Variants in AQP7 observed in about 807,000 individuals in gnomAD.
The protein encoded by AQP7 is aquaporin 7.
In AQP7, 22 loss-of-function variants were observed where a neutral mutation model predicts 26.1. The ratio of observed to expected loss-of-function variants is 0.84; its 90% CI spans 0.60 to 1.20. AQP7 has a LOEUF of 1.20. Ranked by LOEUF, AQP7 falls within the 50% of genes most tolerant of loss-of-function variation. The probability of loss-of-function intolerance (pLI) is 0.00; values close to 1 mark genes in which losing one functional copy is unlikely to be tolerated. For synonymous variants in AQP7, 167 were observed against 181.7 expected (o/e 0.92, Z 0.65); for missense variants, 412 against 457.5 (o/e 0.90, Z 0.91).
chr9:33,387,535 A>AACACAC lies in AQP7; in HGVS notation c.145-449_145-444dup, dbSNP rs368909443. 1.7e-3 allele frequency among the ~76,000 whole-genome samples: 261 copies of AACACAC among 150,272 alleles called. 5 individuals carry two copies. The East Asian group carries it at 0.037, about 22-fold the overall frequency. ...TCTGCCAGGAACCCCTCCCTGCACA[A>AACACAC]ACACACACACACACACTCCACCGCA... On this transcript the variant is annotated intron_variant, in intron 3 of 7. Transcript: ENST00000297988.
chr9:33,386,248 G>A (rs1824776212), intron 5 of AQP7, 53 bp from the exon 6 acceptor site: 2 of 1,610,880 alleles, frequency 1.2e-6, no homozygotes, highest in African/African-American at 1.3e-5. Flanking sequence ...GCCCCACCGG[G>A]GTCCCAGAAA....
chr9:33,394,494 T>C (rs1400561121), intron 3 of AQP7, among the ~76,000 whole-genome samples: 1 of 150,886 alleles, frequency 6.6e-6, no homozygotes, highest in East Asian at 1.9e-4. Context: ...CTCTTTTTTT[T>C]TTTTTTTCTT....
intron 3 of AQP7, among the ~76,000 whole-genome samples, chr9:33,393,425 G>T (rs537407673): frequency 6.6e-6 from 1 of 152,314 alleles, no homozygotes; most frequent in South Asian, 2.1e-4. Context: ...GCAGGGTCAG[G>T]CTAAGAACCC....
At chr9:33,395,005 G>A (rs1825730675) in intron 3 of AQP7, 73 bp downstream of exon 3, 1 of 1,270,418 alleles carries the variant, frequency 7.9e-7, no homozygotes, top group Non-Finnish European at 1.1e-6. Context: ...GTGACCCATG[G>A]GGTCAGCATG....
In AQP7 at chr9:33,387,045, A is replaced by T; in HGVS notation, c.192T>A (p.Tyr64Ter). 6.2e-7 allele frequency: 1 copy of T among 1,611,988 alleles called. No homozygotes were observed. Among genetic ancestry groups the T allele is most frequent in the Admixed American group, 1.7e-5 (1 of 60,010 alleles). The change falls in exon 4 of 8, where the codon TAT becomes TAA. Residue 64 changes from tyrosine to a stop codon, truncating the protein, a stop_gained. Coordinates refer to ENST00000297988, the MANE Select transcript of AQP7 (RefSeq NM_001170.3). LOFTEE classifies it high-confidence loss of function. Reference sequence around the variant, plus strand: ...CCAAGTTGACACCAAGGTAGCTCCCATATTTTTTATTTAGAACCATATGGG... The same window carrying T: ...CCAAGTTGACACCAAGGTAGCTCCCTTATTTTTTATTTAGAACCATATGGG... ...SVAHMVLNKK[Y>*]GSYLGVNLGF...
At chr9:33,394,922 G>A (rs1481164321) in intron 3 of AQP7, among the ~76,000 whole-genome samples, 156 bp downstream of exon 3, 3 of 152,154 alleles carry the variant, frequency 2.0e-5, no homozygotes, top group Non-Finnish European at 2.9e-5. Flanking sequence ...AAGGCTTGAT[G>A]AGAAAGCCCC....
In AQP7 at chr9:33,384,724, G is replaced by A; in HGVS notation, c.*281C>T. On this transcript the variant is annotated 3_prime_UTR_variant, in exon 8 of 8. Transcript: ENST00000297988. ...CCAAAACCACCCTTCCTTCCCCCGT[G>A]CCTGAAAATCCCTCATTCTGTCGTT... 1 of 326,492 alleles carries A rather than the reference G, an allele frequency of 3.1e-6. No homozygotes were observed. Among genetic ancestry groups the A allele is most frequent in the Non-Finnish European group, 5.6e-6 (1 of 179,406 alleles). The allele number at this position is 326,492 out of a possible 1,614,324, so 20.2% of individuals were successfully genotyped here. A position where few individuals can be genotyped will look rare whatever the true frequency, so the allele number is the denominator to read the frequency against.
At chr9:33,397,199 A>G (rs1335600452) in intron 2 of AQP7, among the ~76,000 whole-genome samples, 1 of 151,868 alleles carries the variant, frequency 6.6e-6, no homozygotes, top group Non-Finnish European at 1.5e-5. Context: ...GTGCCTGAAC[A>G]TAGTAGGCAT....
intron 2 of AQP7, among the ~76,000 whole-genome samples, chr9:33,399,681 C>T (rs1826106521): frequency 1.3e-5 from 2 of 152,038 alleles, no homozygotes; most frequent in Admixed American, 1.3e-4. Context: ...CACTCTCCAC[C>T]CTTGGGTCAC....
At chr9:33,391,712 A>G (rs1039757841) in intron 3 of AQP7, 2 of 153,578 alleles carry the variant, frequency 1.3e-5, no homozygotes, top group Middle Eastern at 3.1e-3. Flanking sequence ...ATATAAAAAC[A>G]AAAACAAAAA....
At chr9:33,386,305 C>T in intron 5 of AQP7, 99 bp downstream of exon 5, 5 of 1,593,586 alleles carry the variant, frequency 3.1e-6, no homozygotes, top group Non-Finnish European at 4.3e-6. Context: ...CTTTTTTCTC[C>T]CAGCTATTTT....
intron 3 of AQP7, among the ~76,000 whole-genome samples, 197 bp from the exon 4 acceptor site, chr9:33,387,289 C>T (rs1039959485): frequency 6.6e-6 from 1 of 152,112 alleles, no homozygotes; most frequent in Non-Finnish European, 1.5e-5. Flanking sequence ...TGAGGCCTCT[C>T]AGACCTGAGC....
chr9:33,391,890 C>T (rs1413620855), intron 3 of AQP7, among the ~76,000 whole-genome samples: 1 of 152,182 alleles, frequency 6.6e-6, no homozygotes, highest in African/African-American at 2.4e-5. Flanking sequence ...GAAACTGAGG[C>T]CGAGAGAGGC....
At chr9:33,393,485 A>G (rs1337374168) in intron 3 of AQP7, among the ~76,000 whole-genome samples, 2 of 152,074 alleles carry the variant, frequency 1.3e-5, no homozygotes, top group Non-Finnish European at 2.9e-5. Context: ...CCCACCACAC[A>G]CACAAACAGC....
In AQP7 at chr9:33,395,119, G is replaced by A. The variant is rs747841241; in HGVS notation, c.103C>T (p.Arg35Ter). The change falls in exon 3 of 8, where the codon CGA (arginine) becomes TGA (stop). Residue 35 changes from arginine to a stop codon, truncating the protein, a stop_gained. Transcript: ENST00000297988. LOFTEE classifies it high-confidence loss of function. ...CTCATGAACTCGGCCAGGAACTCTCGCACCATCTTCCTCTGCAGTATTTCC... is the reference window on the plus strand; with the variant it reads ...CTCATGAACTCGGCCAGGAACTCTCACACCATCTTCCTCTGCAGTATTTCC... ...IQEILQRKMV[R>*]EFLAEFMSTY... The A allele has an allele frequency of 1.4e-5, 22 of 1,613,764 alleles. No homozygotes were observed. Among genetic ancestry groups the A allele is most frequent in the East Asian group, 4.5e-5 (2 of 44,870 alleles).
intron 3 of AQP7, among the ~76,000 whole-genome samples, chr9:33,389,582 G>A (rs1477269798): frequency 6.6e-6 from 1 of 152,114 alleles, no homozygotes; most frequent in African/African-American, 2.4e-5. Context: ...TTTTTAATGT[G>A]GATACTAGAA....
intron 3 of AQP7, 151 bp downstream of exon 3, chr9:33,394,927 A>T: frequency 1.5e-6 from 1 of 687,528 alleles, no homozygotes. Flanking sequence ...TTGATGAGAA[A>T]GCCCCCCCTC....
intron 5 of AQP7, 69 bp downstream of exon 5, chr9:33,386,335 G>A (rs1413912127): frequency 6.3e-7 from 1 of 1,599,542 alleles, no homozygotes; most frequent in East Asian, 2.2e-5. Flanking sequence ...AGGACACTGA[G>A]GTCCAATCTG....
In AQP7 at chr9:33,384,911, G is replaced by T; in HGVS notation, c.*94C>A. ...GCTCCTGTAAGAACCCAGGAGGGAAGCCCAACCACAGGAGGCCCCCAGGAA... is the reference window on the plus strand; with the variant it reads ...GCTCCTGTAAGAACCCAGGAGGGAATCCCAACCACAGGAGGCCCCCAGGAA... On this transcript the variant is annotated 3_prime_UTR_variant, in exon 8 of 8. Coordinates refer to ENST00000297988, the MANE Select transcript of AQP7 (RefSeq NM_001170.3). The T allele has an allele frequency of 1.4e-6, 2 of 1,435,930 alleles. No homozygotes were observed. The highest frequency in any genetic ancestry group is 1.9e-6 in the Non-Finnish European group (2 of 1,054,602). 88.9% of individuals were successfully genotyped at this position (1,435,930 alleles called of 1,614,324 possible).
Sources: gnomAD v4.1 joint callset for allele counts (sites outside exome capture counted in the v4.1 genomes callset) on GRCh38, gnomAD v4.1.1 for gene constraint, MANE v1.5 for transcripts, NCBI Gene and HGNC (gene_info 2026-07-23, HGNC 2026-07-21) for gene names.